SKP2: variants seen among roughly 807,000 people sequenced by gnomAD.
SKP2 encodes the protein S-phase kinase-associated protein 2.
Under a neutral mutation model 51.8 loss-of-function variants are expected in SKP2, and 16 were observed. That is an observed-to-expected ratio of 0.31 (90% confidence interval 0.21 to 0.47). SKP2 has a LOEUF of 0.47. Ranked by LOEUF, SKP2 falls within the 20% of genes least tolerant of loss-of-function variation. The pLI, the probability that SKP2 is intolerant of heterozygous loss-of-function variation, is 1.00. For synonymous variants in SKP2, 176 were observed against 198.6 expected (o/e 0.89, Z 0.96); for missense variants, 377 against 505.3 (o/e 0.75, Z 2.43).
chr5:36,185,417 A>T (rs546622035), downstream of SKP2, among the ~76,000 whole-genome samples: 148 of 152,294 alleles, frequency 9.7e-4, no homozygotes, highest in African/African-American at 3.5e-3. Context: ...TCCATCTTGA[A>T]TTAATATTTG....
At chr5:36,177,343 A>T (rs1445801335) in intron 9 of SKP2, 51 bp downstream of exon 9, 1 of 1,094,184 alleles carries the variant, frequency 9.1e-7, no homozygotes. Context: ...AACAACAGAG[A>T]TGCCCCTTGG....
intron 7 of SKP2, among the ~76,000 whole-genome samples, chr5:36,174,212 G>A (rs1011400782): frequency 1.3e-5 from 2 of 152,048 alleles, no homozygotes; most frequent in African/African-American, 4.8e-5. Flanking sequence ...TTGAAGTAAC[G>A]GGTTGGATTA....
At chr5:36,179,050 G>T (rs1745722719) in intron 9 of SKP2, among the ~76,000 whole-genome samples, 2 of 152,066 alleles carry the variant, frequency 1.3e-5, no homozygotes, top group South Asian at 4.1e-4. Context: ...TATGAAATAA[G>T]ACAAACAGGG....
downstream of SKP2, among the ~76,000 whole-genome samples, chr5:36,187,984 ATGTAATGGCCT>A (rs978356471): frequency 1.3e-5 from 2 of 152,190 alleles, no homozygotes; most frequent in African/African-American, 4.8e-5. Context: ...CTTTACCATT[ATGTAATGGCCT>A]TGTCTCTTTT....
chr5:36,156,209 CAGGATGAGGGACAGCTGGTATAG>C (rs1744940684), intron 2 of SKP2, among the ~76,000 whole-genome samples: 1 of 152,082 alleles, frequency 6.6e-6, no homozygotes, highest in African/African-American at 2.4e-5. Flanking sequence ...ATCAGTGATG[CAGGATGAGGGACAGCTGGTATAG>C]AGGATTCCCA....
chr5:36,181,406 C>T (rs946839213), intron 9 of SKP2, among the ~76,000 whole-genome samples: 2 of 152,182 alleles, frequency 1.3e-5, no homozygotes, highest in African/African-American at 4.8e-5. Flanking sequence ...CCTTAATTTG[C>T]ATGTAACCTG....
At chr5:36,178,417 C>T (rs763811755) in intron 9 of SKP2, among the ~76,000 whole-genome samples, 25 of 152,116 alleles carry the variant, frequency 1.6e-4, no homozygotes, top group Admixed American at 1.2e-3. Context: ...CTGGCAGCTA[C>T]GCATTTTAAT....
rs971796403 is a variant in SKP2, at chr5:36,163,689, T to C, written c.325T>C (p.Phe109Leu). 6.2e-7 allele frequency: 1 copy of C among 1,613,776 alleles called. No individual in the cohort carries two copies. ...SLPDELLLGI[F>L]SCLCLPELLK... ...TCCGGATGAGCTGCTCTTGGGAATC[T>C]TTTCCTGTCTGTGCCTCCCTGAGCT... The change falls in exon 3 of 10, where the codon TTT (phenylalanine) becomes CTT (leucine). Residue 109 changes from phenylalanine (F) to leucine (L), a missense_variant. By Grantham distance (22) the Phe-to-Leu change is conservative. This residue lies in a region of SKP2 where 262 missense variants were observed against 389.8 expected (regional missense o/e 0.67). Transcript: ENST00000274255.
At chr5:36,160,877 G>A (rs761741813) in intron 2 of SKP2, among the ~76,000 whole-genome samples, 1 of 152,168 alleles carries the variant, frequency 6.6e-6, no homozygotes, top group Non-Finnish European at 1.5e-5. Context: ...ATCAGCAGGG[G>A]TGATCTGCCT....
In SKP2 at chr5:36,152,211, A is replaced by G; in HGVS notation, c.-52A>G. ...CGCCAAAGCGGGAATCTGGGAGGCG[A>G]GCAGCTCTGCAGTTAATGCACGTAT... On this transcript the variant is annotated 5_prime_UTR_variant, in exon 1 of 10. Transcript: ENST00000274255. The G allele has an allele frequency of 1.2e-6, 2 of 1,607,410 alleles. No homozygotes were observed. The highest frequency in any genetic ancestry group is 1.1e-5 in the South Asian group (1 of 90,940).
At position 36,179,210 on chromosome 5, in the gene SKP2, G is replaced by C. The variant is rs1167843821; in HGVS notation, c.1061+1918G>C. 4.6e-5 allele frequency among the ~76,000 whole-genome samples: 7 copies of C among 151,970 alleles called. No homozygotes were observed. The East Asian group carries it at 1.3e-3, about 29-fold the overall frequency. ...GTGAATCCTTTAGGATGAGTTTGTT[G>C]GTACCTTATGCTTAAAAGTTTCTTG... On this transcript the variant is annotated intron_variant, in intron 9 of 9. Coordinates refer to ENST00000274255, the MANE Select transcript of SKP2 (RefSeq NM_005983.4).
intron 6 of SKP2, among the ~76,000 whole-genome samples, chr5:36,190,363 C>A (rs1340808424): frequency 2.0e-5 from 3 of 152,148 alleles, no homozygotes; most frequent in African/African-American, 7.2e-5. Flanking sequence ...CTTGGAACCA[C>A]CTCACCAGGC....
At chr5:36,178,188 G>T (rs1423728028) in intron 9 of SKP2, among the ~76,000 whole-genome samples, 1 of 152,098 alleles carries the variant, frequency 6.6e-6, no homozygotes, top group African/African-American at 2.4e-5. Context: ...AGTTGATCAG[G>T]TGCCCAACAT....
intron 2 of SKP2, among the ~76,000 whole-genome samples, chr5:36,161,455 G>C (rs1745119152): frequency 6.6e-6 from 1 of 152,166 alleles, no homozygotes; most frequent in South Asian, 2.1e-4. Flanking sequence ...TAAATGAATA[G>C]TAGTTGGAGG....
intron 2 of SKP2, among the ~76,000 whole-genome samples, chr5:36,156,268 C>G (rs542208962): frequency 1.3e-5 from 2 of 152,208 alleles, no homozygotes; most frequent in Admixed American, 1.3e-4. Flanking sequence ...CCTGGGCCTC[C>G]AGTGGAGCCG....
At chr5:36,155,238 C>T (rs1037034860) in intron 2 of SKP2, 9 of 152,018 alleles carry the variant, frequency 5.9e-5, no homozygotes, top group Admixed American at 2.0e-4. Context: ...AAAATAAATA[C>T]GTTTGTTTTC....
chr5:36,164,591 G>A (rs971581924), intron 3 of SKP2, among the ~76,000 whole-genome samples: 1 of 152,186 alleles, frequency 6.6e-6, no homozygotes, highest in Non-Finnish European at 1.5e-5. Flanking sequence ...GAGATAGCAG[G>A]AGCCTCTTGC....
rs1179210020 is a variant in SKP2 at position 36,152,883 on chromosome 5, C to G, written c.121C>G (p.Leu41Val). The change falls in exon 2 of 10, where the codon CTG becomes GTG. Residue 41 changes from leucine (L) to valine (V), a missense_variant. Physicochemically the swap from Leu to Val is conservative, Grantham distance 32. This residue lies in a region of SKP2 where 115 missense variants were observed against 115.5 expected (regional missense o/e 1.00). Transcript: ENST00000274255. The part of the protein sequence containing the change: ...ELLSGMGVSA[L>V]EKEEPDSENI... ...GCTGTCAGGCATGGGGGTCTCCGCC[C>G]TGGAGAAAGAGGAGCCCGACAGTGA... The G allele has an allele frequency of 3.1e-6, 5 of 1,613,986 alleles. No individual in the cohort carries two copies. The highest frequency in any genetic ancestry group is 8.5e-7 in the Non-Finnish European group (1 of 1,180,030).
intron 3 of SKP2, among the ~76,000 whole-genome samples, chr5:36,164,934 T>C (rs1745240151): frequency 1.3e-5 from 2 of 152,236 alleles, no homozygotes; most frequent in South Asian, 4.1e-4. Flanking sequence ...AAATTTACTC[T>C]TTTAGCAAAC....
Sources: allele counts gnomAD v4.1 joint callset (sites outside exome capture counted in the v4.1 genomes callset), GRCh38; gene constraint gnomAD v4.1.1; regional missense constraint gnomAD v4.1.1; transcripts MANE v1.5; gene names NCBI Gene and HGNC (gene_info 2026-07-23, HGNC 2026-07-21).